NCALD: variants seen among roughly 807,000 people sequenced by gnomAD.
The protein encoded by NCALD is neurocalcin-delta.
Under a neutral mutation model 18.6 loss-of-function variants are expected in NCALD, and 10 were observed. The ratio of observed to expected loss-of-function variants is 0.54; its 90% CI spans 0.33 to 0.91. The LOEUF (loss-of-function observed/expected upper bound fraction) is 0.91. Among genes scored for constraint, NCALD ranks in the 40% least tolerant of loss-of-function variants. The pLI, the probability that NCALD is intolerant of heterozygous loss-of-function variation, is 0.03. For synonymous variants in NCALD, 88 were observed against 87.4 expected, an observed-to-expected ratio of 1.01 and a Z score of -0.04; for missense variants, 184 against 247.6, an observed-to-expected ratio of 0.74 and a Z score of 1.72.
At chr8:101,897,729 A>G (rs1372223186) in intron 3 of NCALD, among the ~76,000 whole-genome samples, 1 of 152,178 alleles carries the variant, frequency 6.6e-6, no homozygotes, top group East Asian at 1.9e-4. Context: ...TTTAGTTTTA[A>G]AGAAACCACT....
chr8:101,794,749 A>T (rs1689769494), upstream of NCALD, among the ~76,000 whole-genome samples: 1 of 152,218 alleles, frequency 6.6e-6, no homozygotes, highest in Non-Finnish European at 1.5e-5. Flanking sequence ...AGAGAGATGA[A>T]GTAATTTGCC....
chr8:101,803,114 A>G (rs925871119), intron 4 of NCALD, among the ~76,000 whole-genome samples: 1 of 152,146 alleles, frequency 6.6e-6, no homozygotes, highest in African/African-American at 2.4e-5. Flanking sequence ...TCAAGGCTTT[A>G]AAAAACAGGC....
chr8:101,870,897 ACCCCC>A, intron 4 of NCALD, among the ~76,000 whole-genome samples: 1 of 24,948 alleles, frequency 4.0e-5, no homozygotes, highest in South Asian at 3.6e-3. Flanking sequence ...CACCGCCCCC[ACCCCC>A]CCCCCCCAAA....
At chr8:101,834,351 G>A (rs934601147) in intron 4 of NCALD, among the ~76,000 whole-genome samples, 12 of 152,218 alleles carry the variant, frequency 7.9e-5, no homozygotes, top group African/African-American at 2.7e-4. Flanking sequence ...CCCACCCAGG[G>A]CCCAAGCCAA....
chr8:101,853,564 T>A (rs953679274), intron 4 of NCALD, among the ~76,000 whole-genome samples: 1 of 152,112 alleles, frequency 6.6e-6, no homozygotes, highest in Admixed American at 6.6e-5. Context: ...ACCTGGGCAA[T>A]TTTGAAAGAA....
intron 2 of NCALD, among the ~76,000 whole-genome samples, chr8:102,001,734 A>G (rs1297820648): frequency 2.0e-5 from 3 of 152,242 alleles, no homozygotes; most frequent in Non-Finnish European, 4.4e-5. Flanking sequence ...ACATTCTTAA[A>G]GAAAAGAATT....
At chr8:101,773,657 G>T (rs1275244257) in intron 1 of NCALD, among the ~76,000 whole-genome samples, 1 of 152,166 alleles carries the variant, frequency 6.6e-6, no homozygotes, top group Non-Finnish European at 1.5e-5. Flanking sequence ...CTGTGAGAGA[G>T]GCCCCAGCAG....
intron 2 of NCALD, among the ~76,000 whole-genome samples, chr8:101,973,856 G>A (rs555709579): frequency 2.6e-5 from 4 of 152,196 alleles, no homozygotes; most frequent in African/African-American, 4.8e-5. Flanking sequence ...TGCACTTCAC[G>A]TATTTATTGA....
chr8:101,934,571 C>T (rs539209979), intron 2 of NCALD, among the ~76,000 whole-genome samples: 1 of 152,014 alleles, frequency 6.6e-6, no homozygotes, highest in South Asian at 2.1e-4. Flanking sequence ...ATCTAAGAGT[C>T]GGGAGCTTCA....
chr8:101,703,758 A>C (rs1210340108), intron 2 of NCALD, among the ~76,000 whole-genome samples: 1 of 152,160 alleles, frequency 6.6e-6, no homozygotes, highest in African/African-American at 2.4e-5. Flanking sequence ...GTGGCTAGTG[A>C]TCACTGGACA....
At chr8:101,831,527 TC>T (rs1814185422) in intron 4 of NCALD, among the ~76,000 whole-genome samples, 1 of 152,176 alleles carries the variant, frequency 6.6e-6, no homozygotes, top group African/African-American at 2.4e-5. Flanking sequence ...CTTTGCCCCC[TC>T]CCCATTTTTA....
intron 2 of NCALD, among the ~76,000 whole-genome samples, chr8:101,712,418 TA>T (rs1233815365): frequency 1.3e-5 from 2 of 152,028 alleles, no homozygotes; most frequent in Non-Finnish European, 2.9e-5. Flanking sequence ...ATAATAATCT[TA>T]AATTGTAAAT....
At chr8:101,817,443 C>T (rs570344661) in intron 4 of NCALD, among the ~76,000 whole-genome samples, 52 of 152,176 alleles carry the variant, frequency 3.4e-4, no homozygotes, top group Non-Finnish European at 6.5e-4. Flanking sequence ...TTTGCTTGTC[C>T]GCACAGTTTC....
At chr8:101,721,279 T>G (rs1431102757) in intron 1 of NCALD, 1 of 152,404 alleles carries the variant, frequency 6.6e-6, no homozygotes, top group Admixed American at 6.5e-5. Context: ...CATTCTGGGG[T>G]TTGTTTCTGT....
At chr8:102,004,693 T>C (rs1356994545) in intron 2 of NCALD, among the ~76,000 whole-genome samples, 1 of 151,928 alleles carries the variant, frequency 6.6e-6, no homozygotes, top group Non-Finnish European at 1.5e-5. Context: ...TACAGACCAA[T>C]GGAACAGAAC....
At chr8:102,079,455 A>C (rs765265989) in intron 1 of NCALD, among the ~76,000 whole-genome samples, 14 of 150,298 alleles carry the variant, frequency 9.3e-5, no homozygotes, top group Non-Finnish European at 1.9e-4. Context: ...CAAAGTCAGA[A>C]TTTGCAAATA....
At chr8:101,891,756 G>A (rs367927238) in intron 3 of NCALD, among the ~76,000 whole-genome samples, 12 of 152,286 alleles carry the variant, frequency 7.9e-5, no homozygotes, top group East Asian at 1.9e-4. Flanking sequence ...GGTGATGGAC[G>A]TACCTGGAAA....
intron 4 of NCALD, among the ~76,000 whole-genome samples, chr8:101,805,741 A>G (rs1180187459): frequency 6.6e-6 from 1 of 152,142 alleles, no homozygotes; most frequent in East Asian, 1.9e-4. Flanking sequence ...ATGGTAAACA[A>G]TTGAGAGGAG....
At chr8:102,060,193 G>T (rs988142029) in intron 1 of NCALD, among the ~76,000 whole-genome samples, 3 of 149,422 alleles carry the variant, frequency 2.0e-5, no homozygotes, top group Non-Finnish European at 4.4e-5. Flanking sequence ...GTGTTAGCCA[G>T]GATGGTCTTG....
Sources: gnomAD v4.1 joint callset for allele counts (sites outside exome capture counted in the v4.1 genomes callset) on GRCh38, gnomAD v4.1.1 for gene constraint, MANE v1.5 for transcripts, NCBI Gene and HGNC (gene_info 2026-07-23, HGNC 2026-07-21) for gene names.